Variants in DNAH3 observed in about 807,000 individuals in gnomAD.
The protein encoded by DNAH3 is axonemal beta dynein heavy chain 3.
A neutral mutation model predicts 432.5 loss-of-function variants in DNAH3; 332 were observed. The observed-to-expected ratio is 0.77, with a 90% CI of 0.70 to 0.84. DNAH3 has a LOEUF of 0.84. Ranked by LOEUF, DNAH3 falls within the 40% of genes least tolerant of loss-of-function variation. The pLI, the probability that DNAH3 is intolerant of heterozygous loss-of-function variation, is 0.00. For missense variants in DNAH3, 4,861 were observed against 5,114.0 expected (o/e 0.95, Z 1.51); for synonymous variants, 1,956 against 1,900.2 (o/e 1.03, Z -0.76).
intron 21 of DNAH3, among the ~76,000 whole-genome samples, chr16:21,074,720 A>G (rs1486292559): frequency 2.6e-5 from 4 of 152,046 alleles, no homozygotes; most frequent in Non-Finnish European, 5.9e-5. Flanking sequence ...TCTCAAAAAA[A>G]GAAAGAAAAA....
At chr16:21,086,818 T>G (rs758481317) in intron 19 of DNAH3, 31 bp downstream of exon 19, 1 of 1,604,052 alleles carries the variant, frequency 6.2e-7, no homozygotes, top group South Asian at 1.1e-5. Context: ...TGGGCTGCGC[T>G]GCTTGGGGGC....
rs1347789570 is a variant in DNAH3 at position 21,140,641 on chromosome 16, GA to G, written c.590del (p.Phe197SerfsTer7). 3.1e-6 allele frequency: 5 copies of G among 1,614,156 alleles called. No homozygotes were observed. The highest frequency in any genetic ancestry group is 4.2e-6 in the Non-Finnish European group (5 of 1,180,034). ...CTGGACTCATTGGTCTGCTTCCTGG[GA>G]ACGTCAAAGATGTCTTTACCTCCTT... On this transcript the variant is annotated frameshift_variant, in exon 5 of 62. Coordinates refer to ENST00000261383, the Ensembl canonical transcript of DNAH3. LOFTEE classifies it high-confidence loss of function.
At chr16:20,974,579 GTTTTTTTTT>G (rs752437227) in intron 51 of DNAH3, among the ~76,000 whole-genome samples, 1 of 81,830 alleles carries the variant, frequency 1.2e-5, no homozygotes, top group Non-Finnish European at 2.1e-5. Flanking sequence ...GTTTTATAGT[GTTTTTTTTT>G]TTTTTTTTTT....
intron 22 of DNAH3, among the ~76,000 whole-genome samples, 181 bp from the exon 23 acceptor site, chr16:21,069,775 C>A (rs1261832477): frequency 2.6e-5 from 4 of 152,170 alleles, no homozygotes; most frequent in African/African-American, 9.7e-5. Flanking sequence ...GAGAACATAG[C>A]AATGAATGAA....
At chr16:21,075,304 A>G (rs576638774) in intron 21 of DNAH3, 143 bp downstream of exon 21, 6 of 660,150 alleles carry the variant, frequency 9.1e-6, no homozygotes, top group African/African-American at 9.0e-5. Context: ...TGACACAGAA[A>G]GGCAGACAGT....
intron 57 of DNAH3, among the ~76,000 whole-genome samples, chr16:20,945,315 A>G (rs564432049): frequency 3.3e-5 from 5 of 152,106 alleles, no homozygotes; most frequent in Non-Finnish European, 7.4e-5. Context: ...AAGTTGCCCT[A>G]TATAGTCTAG....
chr16:20,985,809 T>A, intron 47 of DNAH3, 94 bp from the exon 48 acceptor site: 3 of 1,287,324 alleles, frequency 2.3e-6, no homozygotes, highest in Non-Finnish European at 3.3e-6. Context: ...AGACGTGGCT[T>A]ATTTCCTCTG....
chr16:21,025,367 A>C (rs2152717006), intron 38 of DNAH3, among the ~76,000 whole-genome samples: 1 of 148,244 alleles, frequency 6.7e-6, no homozygotes, highest in African/African-American at 2.4e-5. Flanking sequence ...ATATAATAGC[A>C]TATAACCATA....
chr16:20,984,208 CGTGTGT>C (rs142280534), intron 48 of DNAH3, among the ~76,000 whole-genome samples: 51 of 149,284 alleles, frequency 3.4e-4, no homozygotes, highest in African/African-American at 7.9e-4. Context: ...CGCATGCGTG[CGTGTGT>C]GTGTGTGTGT....
intron 40 of DNAH3, among the ~76,000 whole-genome samples, chr16:21,020,241 C>T (rs952719181): frequency 2.7e-5 from 4 of 148,328 alleles, no homozygotes; most frequent in Middle Eastern, 3.4e-3. Context: ...AGGCTGGTCT[C>T]GAACTCCTGA....
At chr16:21,059,986 C>T (rs943001007) in intron 26 of DNAH3, among the ~76,000 whole-genome samples, 2 of 152,138 alleles carry the variant, frequency 1.3e-5, no homozygotes, top group East Asian at 1.9e-4. Context: ...AAATAGACTT[C>T]GTGCCATTAA....
At chr16:20,980,327 CTATAT>C (rs1224370985) in intron 49 of DNAH3, among the ~76,000 whole-genome samples, 1,610 of 98,640 alleles carry the variant, frequency 0.016, 13 homozygotes, top group Non-Finnish European at 0.025. Context: ...ATAATATATA[CTATAT>C]TATATTTTAT....
At chr16:20,979,678 T>C (rs74656372) in intron 49 of DNAH3, 132 bp from the exon 50 acceptor site, 3 of 771,498 alleles carry the variant, frequency 3.9e-6, no homozygotes, top group East Asian at 5.2e-5. Context: ...CCAAACTCTC[T>C]GAGGACATGT....
At chr16:21,060,550 G>A (rs2090318807) in intron 25 of DNAH3, among the ~76,000 whole-genome samples, 194 bp from the exon 26 acceptor site, 3 of 118,020 alleles carry the variant, frequency 2.5e-5, no homozygotes, top group Non-Finnish European at 3.3e-5. Context: ...TTTTGATACA[G>A]AGTCTCGCTC....
Position 21,000,491 on chromosome 16 carries a change from C to A in DNAH3, c.6154G>T (p.Glu2052Ter). The A allele has an allele frequency of 6.2e-7, 1 of 1,610,820 alleles. No individual in the cohort carries two copies. The highest frequency in any genetic ancestry group is 8.5e-7 in the Non-Finnish European group (1 of 1,178,054). Reference sequence around the variant, plus strand: ...AAGAAGAAGGACTGCCGGGCTGTCTCCATTGTGGGGATGATGAGTTCTGAG... The same window carrying A: ...AAGAAGAAGGACTGCCGGGCTGTCTACATTGTGGGGATGATGAGTTCTGAG... The change falls in exon 43 of 62, where the codon GAG becomes TAG. Residue 2052 changes from glutamate (E) to a stop codon, truncating the protein, a stop_gained. Coordinates refer to ENST00000261383, the Ensembl canonical transcript of DNAH3. LOFTEE classifies it high-confidence loss of function.
chr16:21,154,786 C>T (rs982495537), intron 1 of DNAH3, among the ~76,000 whole-genome samples: 1 of 152,144 alleles, frequency 6.6e-6, no homozygotes, highest in Non-Finnish European at 1.5e-5. Flanking sequence ...TACATGTAAT[C>T]TGAGGAAAGG....
intron 37 of DNAH3, 33 bp from the exon 38 acceptor site, chr16:21,027,160 G>A (rs761579306): frequency 2.6e-6 from 4 of 1,517,890 alleles, no homozygotes; most frequent in Non-Finnish European, 2.7e-6. Flanking sequence ...AGCAGACAGG[G>A]GAAAGGCTTA....
chr16:21,111,655 T>C (rs184986665), exon 14 of DNAH3: 2 of 1,613,582 alleles, frequency 1.2e-6, no homozygotes, highest in East Asian at 4.5e-5. Flanking sequence ...TTACATCCAC[T>C]TGGAATTGAA....
rs2088676658 is a variant in DNAH3 at position 21,028,285 on chromosome 16, C to T, written c.5440-1158G>A. 2.6e-5 allele frequency among the ~76,000 whole-genome samples: 4 copies of T among 152,266 alleles called. No homozygotes were observed. In the South Asian group the frequency reaches 8.3e-4, roughly 32 times the overall value. ...TCTCAAACTCCTGGGCTCAAGCAAT[C>T]CTCCTGTCTCTGCCTCCCAAAGTGC... On this transcript the variant is annotated intron_variant, in intron 37 of 61. Coordinates refer to ENST00000261383, the Ensembl canonical transcript of DNAH3.
Sources: allele counts gnomAD v4.1 joint callset (sites outside exome capture counted in the v4.1 genomes callset), GRCh38; gene constraint gnomAD v4.1.1; transcripts MANE v1.5; gene names NCBI Gene and HGNC (gene_info 2026-07-23, HGNC 2026-07-21).